Variants in DRC1 observed in about 807,000 individuals in gnomAD.
DRC1 encodes dynein regulatory complex protein 1.
Under a neutral mutation model 98.7 loss-of-function variants are expected in DRC1, and 74 were observed. That is an observed-to-expected ratio of 0.75 (90% CI 0.62 to 0.91). The LOEUF (loss-of-function observed/expected upper bound fraction) is 0.91. Among genes scored for constraint, DRC1 ranks in the 40% least tolerant of loss-of-function variants. The pLI, the probability that DRC1 is intolerant of heterozygous loss-of-function variation, is 0.00. For synonymous variants in DRC1, 336 were observed against 334.1 expected (o/e 1.01, Z -0.06); for missense variants, 875 against 886.0 (o/e 0.99, Z 0.16).
rs549249591 is a variant in DRC1, at chr2:26,415,460, T to C, written c.243+1029T>C. 1.1e-4 allele frequency among the ~76,000 whole-genome samples: 16 copies of C among 152,242 alleles called. No individual in the cohort carries two copies. In the South Asian group the frequency reaches 3.3e-3, roughly 32 times the overall value. On this transcript the variant is annotated intron_variant, in intron 2 of 16. Transcript: ENST00000288710. ...GAAAAAATATTCACGTTGCTGAATA[T>C]GATTATAGAGCATAGAGGTATAGAG...
chr2:26,424,311 A>T lies in DRC1; in HGVS notation c.397A>T (p.Lys133Ter), dbSNP rs764831596. 2 of 1,613,966 alleles carry T rather than the reference A, an allele frequency of 1.2e-6. No individual in the cohort carries two copies. The highest frequency in any genetic ancestry group is 3.3e-5 in the Admixed American group (2 of 59,984). The change falls in exon 4 of 17, where the codon AAA (lysine) becomes TAA (stop). Residue 133 changes from lysine to a stop codon, truncating the protein, a stop_gained. Transcript: ENST00000288710. LOFTEE classifies it high-confidence loss of function. ...LENEVKTSQD[K>*]FDEITSKWEE... Reference sequence around the variant, plus strand: ...GAATGAAGTTAAGACCAGCCAGGACAAATTCGATGAAATCACCTCAAAGTG... The same window carrying T: ...GAATGAAGTTAAGACCAGCCAGGACTAATTCGATGAAATCACCTCAAAGTG...
intron 4 of DRC1, among the ~76,000 whole-genome samples, chr2:26,428,119 T>TAAG (rs1186074167): frequency 6.6e-6 from 1 of 152,234 alleles, no homozygotes; most frequent in Non-Finnish European, 1.5e-5. Context: ...TTTCTGCATA[T>TAAG]AAGATCATGT....
intron 7 of DRC1, among the ~76,000 whole-genome samples, chr2:26,437,763 G>A (rs1247391812): frequency 6.6e-6 from 1 of 151,890 alleles, no homozygotes; most frequent in Non-Finnish European, 1.5e-5. Flanking sequence ...AAATTATTAT[G>A]ACATGGTAAA....
chr2:26,412,229 A>G (rs1572353250), intron 1 of DRC1, among the ~76,000 whole-genome samples: 1 of 152,262 alleles, frequency 6.6e-6, no homozygotes, highest in Non-Finnish European at 1.5e-5. Flanking sequence ...CAGAGTTAGA[A>G]AAAGTCAAGA....
chr2:26,413,138 C>G (rs1031833750), intron 1 of DRC1, among the ~76,000 whole-genome samples: 5 of 152,162 alleles, frequency 3.3e-5, no homozygotes, highest in Admixed American at 3.3e-4. Flanking sequence ...CTAAAACTGG[C>G]TCCCTTTACT....
rs1265648105 is a variant in DRC1, at chr2:26,429,664, T to C, written c.577T>C (p.Leu193=). ...KTKDDQYVKD[L]KKQSDDICLL... ...AAAGGATGACCAGTATGTGAAGGAT[T>C]TGAAGAAACAGTCAGATGACATCTG... Residue 193 remains leucine (L), a synonymous_variant, in exon 5 of 17, where the codon TTG becomes CTG. Coordinates refer to ENST00000288710, the MANE Select transcript of DRC1 (RefSeq NM_145038.5). The C allele has an allele frequency of 1.2e-6, 2 of 1,614,134 alleles. No individual in the cohort carries two copies.
chr2:26,441,229 T>C (rs1342087465), intron 8 of DRC1, among the ~76,000 whole-genome samples: 1 of 152,228 alleles, frequency 6.6e-6, no homozygotes, highest in Non-Finnish European at 1.5e-5. Flanking sequence ...GACTTCTTGC[T>C]TGTGGAAGGA....
chr2:26,421,198 G>A (rs1663132385), intron 2 of DRC1, 90 bp from the exon 3 acceptor site: 1 of 1,141,926 alleles, frequency 8.8e-7, no homozygotes, highest in South Asian at 1.5e-5. Flanking sequence ...ATGGATAGAA[G>A]CTGCGGACAG....
chr2:26,441,083 A>AATACC (rs1663706201), intron 8 of DRC1, among the ~76,000 whole-genome samples: 1 of 152,142 alleles, frequency 6.6e-6, no homozygotes, highest in African/African-American at 2.4e-5. Flanking sequence ...AAAGGTACCT[A>AATACC]TTGCTTGAAA....
In DRC1 at chr2:26,440,394, T is replaced by A; in HGVS notation, c.905T>A (p.Leu302His). The change falls in exon 8 of 17, where the codon CTT (leucine) becomes CAT (histidine). Residue 302 changes from leucine (L) to histidine (H), a missense_variant. Physicochemically the swap from Leu to His is moderately conservative, Grantham distance 99. Coordinates refer to ENST00000288710, the MANE Select transcript of DRC1 (RefSeq NM_145038.5). ...EQDVQILEQQ[L>H]QQRKAIYQLN... ...TAACTTTAGATTCTTGAGCAGCAGC[T>A]TCAGCAGAGGAAAGCAATTTATCAG... is the stretch of plus-strand genomic sequence containing the variant. The A allele has an allele frequency of 2.5e-6, 4 of 1,611,240 alleles. No homozygotes were observed. The highest frequency in any genetic ancestry group is 3.4e-6 in the Non-Finnish European group (4 of 1,178,872).
At chr2:26,410,855 G>T (rs1260003810) in intron 1 of DRC1, among the ~76,000 whole-genome samples, 1 of 149,434 alleles carries the variant, frequency 6.7e-6, no homozygotes, top group African/African-American at 2.5e-5. Context: ...CAAAAACATG[G>T]TCACATATAA....
At chr2:26,415,698 G>T (rs369515475) in intron 2 of DRC1, among the ~76,000 whole-genome samples, 1 of 152,128 alleles carries the variant, frequency 6.6e-6, no homozygotes, top group Non-Finnish European at 1.5e-5. Context: ...TTGGGAGGCC[G>T]AGGCGAGCGG....
chr2:26,451,849 C>G (rs1487240788), intron 13 of DRC1, among the ~76,000 whole-genome samples: 1 of 152,112 alleles, frequency 6.6e-6, no homozygotes, highest in East Asian at 1.9e-4. Context: ...GAATGACAAG[C>G]TGCAGAGAAA....
Position 26,431,973 on chromosome 2 carries a change from C to T in DRC1, c.855C>T (p.Asn285=), listed in dbSNP as rs543816162. The T allele has an allele frequency of 1.9e-6, 3 of 1,614,166 alleles. No homozygotes were observed. The highest frequency in any genetic ancestry group is 1.3e-5 in the African/African-American group (1 of 75,048). Residue 285 remains asparagine (N), a synonymous_variant, in exon 7 of 17, where the codon AAC becomes AAT. Transcript: ENST00000288710. The part of the protein sequence containing the change: ...RQRIWDCEEY[N]MIKIKLEQDV... ...GGATCTGGGATTGCGAAGAATACAA[C>T]ATGATCAAGATCAAGCTGGAGCAGG...
rs1466178243 is a variant in DRC1, at chr2:26,424,465, C to T, written c.540+11C>T. The T allele has an allele frequency of 1.4e-5, 23 of 1,597,976 alleles. No individual in the cohort carries two copies. The highest frequency in any genetic ancestry group is 2.1e-4 in the Middle Eastern group (1 of 4,722). On this transcript the variant is annotated intron_variant, in intron 4 of 16. Transcript: ENST00000288710. ...AGCGAGTTACAGCAGGCAAGAGGCC[C>T]GGGCCCTCCAGCCCAGCCACAGGGG... is the stretch of plus-strand genomic sequence containing the variant.
chr2:26,425,261 T>A (rs953547569), intron 4 of DRC1, among the ~76,000 whole-genome samples: 4 of 152,228 alleles, frequency 2.6e-5, no homozygotes, highest in African/African-American at 9.6e-5. Flanking sequence ...TGCCTTCCTT[T>A]TTAAGGCTGC....
intron 2 of DRC1, among the ~76,000 whole-genome samples, chr2:26,418,555 A>G (rs1341055066): frequency 8.7e-5 from 9 of 103,724 alleles, no homozygotes; most frequent in African/African-American, 3.7e-4. Context: ...AATTATATAT[A>G]ATTTATATAT....
chr2:26,418,591 ATAATT>A (rs1678907424), intron 2 of DRC1, among the ~76,000 whole-genome samples: 2 of 102,802 alleles, frequency 1.9e-5, no homozygotes, highest in South Asian at 4.7e-4. Context: ...TAAATTATAT[ATAATT>A]TATATAATAT....
chr2:26,437,379 G>A (rs1224472328), intron 7 of DRC1, among the ~76,000 whole-genome samples: 1 of 152,164 alleles, frequency 6.6e-6, no homozygotes, highest in Admixed American at 6.6e-5. Flanking sequence ...GCTCAGAAAG[G>A]GTCCTTTGTA....
Sources: allele counts gnomAD v4.1 joint callset (sites outside exome capture counted in the v4.1 genomes callset), GRCh38; gene constraint gnomAD v4.1.1; transcripts MANE v1.5; gene names NCBI Gene and HGNC (gene_info 2026-07-23, HGNC 2026-07-21).